Variants in PTPRR observed in about 807,000 individuals in gnomAD.
PTPRR encodes receptor-type tyrosine-protein phosphatase R.
Under a neutral mutation model 77.2 loss-of-function variants are expected in PTPRR, and 38 were observed. The observed-to-expected ratio is 0.49, with a 90% CI of 0.38 to 0.65. The LOEUF (loss-of-function observed/expected upper bound fraction) is 0.65. PTPRR is among the 30% of genes least tolerant of loss of function. The pLI, the probability that PTPRR is intolerant of heterozygous loss-of-function variation, is 0.00. For synonymous variants in PTPRR, 299 were observed against 283.1 expected, an observed-to-expected ratio of 1.06 and a Z score of -0.57; for missense variants, 744 against 799.2, an observed-to-expected ratio of 0.93 and a Z score of 0.83.
At chr12:70,712,989 G>A (rs1284668747) in intron 6 of PTPRR, among the ~76,000 whole-genome samples, 1 of 152,088 alleles carries the variant, frequency 6.6e-6, no homozygotes, top group African/African-American at 2.4e-5. Context: ...AAATTTTAAA[G>A]CATTTTCCTC....
intron 2 of PTPRR, among the ~76,000 whole-genome samples, chr12:70,819,045 G>A (rs1891958642): frequency 6.6e-6 from 1 of 152,220 alleles, no homozygotes. Context: ...AGAAGGTCAG[G>A]TGTGGTGGCT....
chr12:70,721,292 T>C (rs757901087), intron 6 of PTPRR, among the ~76,000 whole-genome samples: 1 of 152,174 alleles, frequency 6.6e-6, no homozygotes, highest in Non-Finnish European at 1.5e-5. Context: ...ATTGCACATA[T>C]ATAAAACTTC....
intron 2 of PTPRR, among the ~76,000 whole-genome samples, chr12:70,779,754 A>T (rs1187427741): frequency 6.6e-6 from 1 of 152,210 alleles, no homozygotes; most frequent in African/African-American, 2.4e-5. Flanking sequence ...CACTGTAGTT[A>T]CCAAGTGAAA....
At chr12:70,644,483 A>G (rs1886124470) in intron 13 of PTPRR, among the ~76,000 whole-genome samples, 1 of 152,188 alleles carries the variant, frequency 6.6e-6, no homozygotes, top group Non-Finnish European at 1.5e-5. Context: ...TCCACCACTT[A>G]CTAGATATTT....
intron 2 of PTPRR, among the ~76,000 whole-genome samples, chr12:70,864,214 A>C (rs1892802313): frequency 6.6e-6 from 1 of 152,128 alleles, no homozygotes; most frequent in South Asian, 2.1e-4. Flanking sequence ...AGCATGACCC[A>C]TTTGACCAAG....
At chr12:70,816,077 G>T (rs944131799) in intron 2 of PTPRR, among the ~76,000 whole-genome samples, 1 of 152,084 alleles carries the variant, frequency 6.6e-6, no homozygotes, top group Non-Finnish European at 1.5e-5. Context: ...GAGTGGCATT[G>T]TTTACGGTAA....
chr12:70,911,110 C>T (rs373061250), intron 1 of PTPRR, among the ~76,000 whole-genome samples: 3 of 152,192 alleles, frequency 2.0e-5, no homozygotes, highest in East Asian at 1.9e-4. Context: ...CTGCATGTGA[C>T]CTTTTCCATT....
intron 1 of PTPRR, among the ~76,000 whole-genome samples, chr12:70,911,365 G>A (rs747363218): frequency 1.3e-5 from 2 of 152,148 alleles, no homozygotes; most frequent in Non-Finnish European, 2.9e-5. Context: ...CCTCGTCCAT[G>A]CTTGAGCTTT....
At chr12:70,885,002 T>G (rs1446994428) in intron 2 of PTPRR, among the ~76,000 whole-genome samples, 1 of 152,132 alleles carries the variant, frequency 6.6e-6, no homozygotes, top group Non-Finnish European at 1.5e-5. Flanking sequence ...TTCTCTTTTT[T>G]TGTTCTGTTT....
At chr12:70,685,327 A>C (rs574678053) in intron 8 of PTPRR, among the ~76,000 whole-genome samples, 13 of 152,078 alleles carry the variant, frequency 8.5e-5, no homozygotes, top group African/African-American at 3.1e-4. Context: ...GGGAAGAGGG[A>C]GGTTGCAAAG....
intron 2 of PTPRR, among the ~76,000 whole-genome samples, chr12:70,780,462 G>T (rs942421054): frequency 6.6e-6 from 1 of 151,926 alleles, no homozygotes; most frequent in African/African-American, 2.4e-5. Context: ...AAAATATAAT[G>T]ATTAGAAAAA....
At chr12:70,709,840 T>C (rs1374767467) in intron 6 of PTPRR, among the ~76,000 whole-genome samples, 11 of 151,960 alleles carry the variant, frequency 7.2e-5, no homozygotes, top group Admixed American at 7.2e-4. Context: ...AAATCAGAGA[T>C]GATACAAACA....
At chr12:70,663,419 T>C (rs1454694391) in intron 10 of PTPRR, among the ~76,000 whole-genome samples, 1 of 152,326 alleles carries the variant, frequency 6.6e-6, no homozygotes, top group African/African-American at 2.4e-5. Context: ...TTATTGGCTA[T>C]CTGGAAAGTA....
chr12:70,860,070 G>T (rs1387663594), intron 2 of PTPRR, among the ~76,000 whole-genome samples: 1 of 151,778 alleles, frequency 6.6e-6, no homozygotes, highest in Non-Finnish European at 1.5e-5. Context: ...AAGCTCACAG[G>T]TCTTCGCTTT....
intron 2 of PTPRR, among the ~76,000 whole-genome samples, chr12:70,793,633 A>G (rs1433326151): frequency 6.6e-6 from 1 of 152,234 alleles, no homozygotes; most frequent in Non-Finnish European, 1.5e-5. Context: ...AAGCTTCACC[A>G]GAGAGCCCTT....
At chr12:70,766,248 A>G (rs906774053) in intron 2 of PTPRR, among the ~76,000 whole-genome samples, 1 of 152,242 alleles carries the variant, frequency 6.6e-6, no homozygotes, top group Non-Finnish European at 1.5e-5. Flanking sequence ...CCAAAGGCAA[A>G]GAAGTTGAAA....
chr12:70,686,623 G>A (rs775770323), intron 8 of PTPRR, among the ~76,000 whole-genome samples: 1 of 152,140 alleles, frequency 6.6e-6, no homozygotes, highest in Non-Finnish European at 1.5e-5. Context: ...TTCTTGAGTT[G>A]CTTGCTCTGG....
chr12:70,698,396 A>G (rs778589431), intron 7 of PTPRR, 47 bp from the exon 8 acceptor site: 34 of 1,522,662 alleles, frequency 2.2e-5, no homozygotes, highest in African/African-American at 2.7e-5. Flanking sequence ...TACTGCCACA[A>G]AGAAAATCTT....
At chr12:70,716,704 G>T (rs1889044635) in intron 6 of PTPRR, among the ~76,000 whole-genome samples, 1 of 152,154 alleles carries the variant, frequency 6.6e-6, no homozygotes, top group Non-Finnish European at 1.5e-5. Flanking sequence ...GCATTTTGCT[G>T]GGCGTGGTGG....
Sources: gnomAD v4.1 joint callset for allele counts (sites outside exome capture counted in the v4.1 genomes callset) on GRCh38, gnomAD v4.1.1 for gene constraint, MANE v1.5 for transcripts, NCBI Gene and HGNC (gene_info 2026-07-23, HGNC 2026-07-21) for gene names.